C12orf75: variants seen among roughly 807,000 people sequenced by gnomAD.
C12orf75 encodes the protein chromosome 12 open reading frame 75.
Under a neutral mutation model 11.4 loss-of-function variants are expected in C12orf75, and 4 were observed. That is an observed-to-expected ratio of 0.35 (90% CI 0.17 to 0.80). The LOEUF is 0.80. Ranked by LOEUF, C12orf75 falls within the 30% of genes least tolerant of loss-of-function variation. C12orf75 has a pLI of 0.52. For missense variants in C12orf75, 89 were observed against 80.4 expected (o/e 1.11, Z -0.41); for synonymous variants, 30 against 30.0 (o/e 1.00, Z 0.00).
intron 1 of C12orf75, among the ~76,000 whole-genome samples, chr12:105,346,160 C>T (rs941296397): frequency 2.0e-5 from 3 of 152,120 alleles, no homozygotes; most frequent in South Asian, 2.1e-4. Context: ...AACAACCCCC[C>T]ACACCCCCAC....
intron 2 of C12orf75, among the ~76,000 whole-genome samples, chr12:105,351,478 A>G (rs904460393): frequency 2.0e-5 from 3 of 152,176 alleles, no homozygotes; most frequent in Admixed American, 1.3e-4. Flanking sequence ...GCTGTTTTCT[A>G]TAGGTGAGAA....
chr12:105,330,844 AC>A lies in C12orf75; in HGVS notation c.-45del. On this transcript the variant is annotated 5_prime_UTR_variant, in exon 1 of 6. Coordinates refer to ENST00000443585, the MANE Select transcript of C12orf75 (RefSeq NM_001145199.2). ...CTTCGTCTGGGTCTCCGCCCCCAGGACCCGCGGCCGAGAGCTCCGGAGCGCG... is the reference window on the plus strand; with the variant it reads ...CTTCGTCTGGGTCTCCGCCCCCAGGACCGCGGCCGAGAGCTCCGGAGCGCG... 8.0e-7 allele frequency: 1 copy of A among 1,247,774 alleles called. No homozygotes were observed. The allele number at this position is 1,247,774 out of a possible 1,614,324, so 77.3% of individuals were successfully genotyped here. A position where few individuals can be genotyped will look rare whatever the true frequency, so the allele number is the denominator to read the frequency against.
intron 2 of C12orf75, 65 bp downstream of exon 2, chr12:105,348,691 T>G: frequency 1.8e-6 from 2 of 1,109,506 alleles, no homozygotes; most frequent in Non-Finnish European, 2.6e-6. Context: ...TTTTCATGAT[T>G]ATGACCTTTA....
chr12:105,348,875 G>A (rs1348654700), intron 2 of C12orf75, among the ~76,000 whole-genome samples: 3 of 152,052 alleles, frequency 2.0e-5, no homozygotes, highest in Non-Finnish European at 4.4e-5. Context: ...ATGTTGAATT[G>A]TGTTTTCCAT....
intron 2 of C12orf75, among the ~76,000 whole-genome samples, chr12:105,356,132 T>C (rs1229019956): frequency 6.6e-6 from 1 of 152,204 alleles, no homozygotes; most frequent in East Asian, 1.9e-4. Context: ...TAAAACATAA[T>C]TCATTGTGTA....
chr12:105,336,839 G>A (rs1054547444), intron 1 of C12orf75, among the ~76,000 whole-genome samples: 3 of 152,198 alleles, frequency 2.0e-5, no homozygotes, highest in African/African-American at 7.2e-5. Flanking sequence ...TACCATGTTT[G>A]AAGTGATGAT....
intron 1 of C12orf75, among the ~76,000 whole-genome samples, chr12:105,343,487 A>G (rs1892598997): frequency 6.6e-6 from 1 of 152,224 alleles, no homozygotes; most frequent in Non-Finnish European, 1.5e-5. Flanking sequence ...TCTTGCCACT[A>G]TCTAATTTTG....
intron 2 of C12orf75, among the ~76,000 whole-genome samples, chr12:105,359,184 C>CA (rs1892825741): frequency 6.6e-6 from 1 of 152,176 alleles, no homozygotes; most frequent in Non-Finnish European, 1.5e-5. Context: ...TGCTTGGGGC[C>CA]AGGCCAGAAG....
chr12:105,344,510 A>C (rs1378474201), intron 1 of C12orf75, among the ~76,000 whole-genome samples: 5 of 152,152 alleles, frequency 3.3e-5, no homozygotes, highest in Admixed American at 3.3e-4. Context: ...GGGGAGGCCA[A>C]GGCAGGTGGA....
At chr12:105,356,439 C>CA (rs1892781534) in intron 2 of C12orf75, among the ~76,000 whole-genome samples, 1 of 106,322 alleles carries the variant, frequency 9.4e-6, no homozygotes, top group Non-Finnish European at 1.9e-5. Context: ...AGACTACAGG[C>CA]TTTTTTTTTT....
intron 2 of C12orf75, among the ~76,000 whole-genome samples, chr12:105,359,637 G>T (rs938115073): frequency 1.1e-4 from 16 of 151,956 alleles, no homozygotes; most frequent in African/African-American, 3.9e-4. Flanking sequence ...CAGGCGTGGT[G>T]GTGTGTGCCT....
intron 1 of C12orf75, among the ~76,000 whole-genome samples, chr12:105,339,590 T>C (rs1210073376): frequency 3.3e-5 from 5 of 152,138 alleles, no homozygotes; most frequent in Admixed American, 2.6e-4. Flanking sequence ...ATTAATGGAC[T>C]AAAATGTATA....
intron 1 of C12orf75, among the ~76,000 whole-genome samples, chr12:105,340,213 C>G (rs1892550907): frequency 6.6e-6 from 1 of 151,748 alleles, no homozygotes; most frequent in African/African-American, 2.4e-5. Context: ...ATCACAAGGT[C>G]AGGAGATCAA....
intron 2 of C12orf75, 150 bp from the exon 3 acceptor site, chr12:105,365,657 G>A: frequency 3.1e-6 from 2 of 636,824 alleles, no homozygotes; most frequent in East Asian, 5.5e-5. Flanking sequence ...AGAAACACTT[G>A]ATGGATAGTT....
At chr12:105,342,681 C>T (rs898509876) in intron 1 of C12orf75, among the ~76,000 whole-genome samples, 1 of 152,174 alleles carries the variant, frequency 6.6e-6, no homozygotes, top group South Asian at 2.1e-4. Context: ...TAGCAAACAG[C>T]CCCCATCCTG....
At chr12:105,358,140 G>A (rs1892811617) in intron 2 of C12orf75, among the ~76,000 whole-genome samples, 1 of 152,090 alleles carries the variant, frequency 6.6e-6, no homozygotes. Context: ...GAGTCACTGC[G>A]CTGGGCTCAG....
chr12:105,348,606 T>C lies in C12orf75; in HGVS notation c.51T>C (p.Pro17=). The C allele has an allele frequency of 6.5e-7, 1 of 1,537,858 alleles. No individual in the cohort carries two copies. The highest frequency in any genetic ancestry group is 8.8e-7 in the Non-Finnish European group (1 of 1,138,832). Residue 17 remains proline, a synonymous_variant, in exon 2 of 6, where the codon CCT becomes CCC. Coordinates refer to ENST00000443585, the MANE Select transcript of C12orf75 (RefSeq NM_001145199.2). ...CTATCTTCTTTTTTTCTCTAGGCCC[T>C]GCAGGAGCAGCCAAAGATGTGTAAG... The part of the protein sequence containing the change: ...TATSAGAGQG[P]AGAAKDVTEE...
chr12:105,357,826 G>A (rs538045278), intron 2 of C12orf75, among the ~76,000 whole-genome samples: 11 of 150,594 alleles, frequency 7.3e-5, no homozygotes, highest in Admixed American at 6.6e-4. Flanking sequence ...GAGAGAGAGA[G>A]AGAGGAGAGA....
At chr12:105,354,514 C>T (rs896815587) in intron 2 of C12orf75, among the ~76,000 whole-genome samples, 1 of 152,170 alleles carries the variant, frequency 6.6e-6, no homozygotes, top group African/African-American at 2.4e-5. Context: ...ATTACAAATA[C>T]AGTATATTTA....
Sources: gnomAD v4.1 joint callset for allele counts (sites outside exome capture counted in the v4.1 genomes callset) on GRCh38, gnomAD v4.1.1 for gene constraint, MANE v1.5 for transcripts, NCBI Gene and HGNC (gene_info 2026-07-23, HGNC 2026-07-21) for gene names.